The following ACER2 variants were observed in gnomAD, a reference collection of about 807,000 sequenced individuals.
ACER2 encodes alkCDase 2.
ACER2 carries 26 observed loss-of-function variants against 34.7 expected under a neutral mutation model. The observed-to-expected ratio is 0.75, with a 90% CI of 0.55 to 1.04. The LOEUF is 1.04. Ranked by LOEUF, ACER2 falls within the 50% of genes least tolerant of loss-of-function variation. ACER2 has a pLI of 0.00. For synonymous variants in ACER2, 138 were observed against 132.1 expected (o/e 1.04, Z -0.31); for missense variants, 352 against 340.8 (o/e 1.03, Z -0.26).
intron 4 of ACER2, 195 bp from the exon 5 acceptor site, chr9:19,446,086 G>A: frequency 1.2e-6 from 1 of 842,714 alleles, no homozygotes; most frequent in South Asian, 1.3e-5. Flanking sequence ...GGGTGGGAAG[G>A]GTGTCTGTGA....
intron 1 of ACER2, among the ~76,000 whole-genome samples, chr9:19,414,940 T>G (rs1002900215): frequency 2.0e-5 from 3 of 152,064 alleles, no homozygotes; most frequent in African/African-American, 7.2e-5. Context: ...TAGAGATGGA[T>G]CCATGAGTCC....
intron 5 of ACER2, among the ~76,000 whole-genome samples, chr9:19,447,277 C>T (rs1048349825): frequency 2.0e-5 from 3 of 152,154 alleles, no homozygotes; most frequent in Non-Finnish European, 2.9e-5. Flanking sequence ...TTTGTTAGAT[C>T]TAGATTCAGG....
At chr9:19,411,715 C>T (rs892689988) in intron 1 of ACER2, among the ~76,000 whole-genome samples, 23 of 152,304 alleles carry the variant, frequency 1.5e-4, no homozygotes, top group Non-Finnish European at 3.2e-4. Context: ...AACTCATAAT[C>T]ATTACCAGTT....
chr9:19,427,448 G>C (rs1830604103), intron 3 of ACER2, among the ~76,000 whole-genome samples: 1 of 152,180 alleles, frequency 6.6e-6, no homozygotes, highest in Non-Finnish European at 1.5e-5. Context: ...CCCTTTGCTT[G>C]TACTTCACTC....
At chr9:19,446,049 A>G (rs1218072746) in intron 4 of ACER2, 17 of 712,932 alleles carry the variant, frequency 2.4e-5, no homozygotes, top group Non-Finnish European at 3.8e-5. Flanking sequence ...AGTTGGGTGT[A>G]TGAGTCTGGA....
intron 3 of ACER2, among the ~76,000 whole-genome samples, chr9:19,427,067 G>A (rs754086350): frequency 1.3e-5 from 2 of 152,108 alleles, no homozygotes; most frequent in African/African-American, 2.4e-5. Flanking sequence ...AAGCAATCTG[G>A]GTTTGAATCC....
intron 4 of ACER2, 47 bp from the exon 5 acceptor site, chr9:19,446,234 G>T: frequency 1.2e-6 from 2 of 1,614,054 alleles, no homozygotes; most frequent in Non-Finnish European, 1.7e-6. Context: ...CAGCAAGGAG[G>T]TGGAGACAAG....
In ACER2 at chr9:19,450,578, G is replaced by A. The variant is rs775979009; in HGVS notation, c.770G>A (p.Gly257Asp). 25 of 1,607,418 alleles carry A rather than the reference G, an allele frequency of 1.6e-5. No individual in the cohort carries two copies. Among genetic ancestry groups the A allele is most frequent in the Admixed American group, 6.7e-5 (4 of 59,934 alleles). The change falls in exon 6 of 6, where the codon GGT becomes GAT. Residue 257 changes from glycine (G) to aspartate (D), a missense_variant. Gly to Asp is a moderately conservative substitution (Grantham distance 94). Transcript: ENST00000340967. ...FWPNEKWAFIGVPYVSLLCAN... is the reference protein window; with the variant it reads ...FWPNEKWAFIDVPYVSLLCAN... ...CCCAATGAGAAATGGGCCTTCATTG[G>A]TGTCCCCTATGTGTCCCTCCTGTGT...
At position 19,409,909 on chromosome 9, in the gene ACER2, G is replaced by T. The variant is rs1197717958; in HGVS notation, c.108+717G>T. On this transcript the variant is annotated intron_variant, in intron 1 of 5. Transcript: ENST00000340967. ...GGATTTGCCTAGGTCCCTAGATAAG[G>T]GTGAGCAGAAACTTCCCCATTGCAG... is the stretch of plus-strand genomic sequence containing the variant. 10 of 985,288 alleles carry T rather than the reference G, an allele frequency of 1.0e-5. No homozygotes were observed. The African/African-American group carries it at 1.6e-4, about 15-fold the overall frequency. The allele number at this position is 985,288 out of a possible 1,614,324, so 61.0% of individuals were successfully genotyped here.
chr9:19,426,816 A>G (rs765071331), intron 3 of ACER2, among the ~76,000 whole-genome samples: 1 of 152,100 alleles, frequency 6.6e-6, no homozygotes, highest in African/African-American at 2.4e-5. Flanking sequence ...AGTCCCAGCC[A>G]CTCAAAAAGC....
At chr9:19,409,567 G>C (rs1408510220) in intron 1 of ACER2, among the ~76,000 whole-genome samples, 8 of 152,028 alleles carry the variant, frequency 5.3e-5, no homozygotes, top group Non-Finnish European at 8.8e-5. Context: ...TCTCTGTGGC[G>C]TGACGCACTT....
chr9:19,415,689 A>G (rs1480688370), intron 1 of ACER2, among the ~76,000 whole-genome samples: 1 of 152,184 alleles, frequency 6.6e-6, no homozygotes, highest in Non-Finnish European at 1.5e-5. Flanking sequence ...CCATTGCGGG[A>G]CAGCTTGGGA....
intron 1 of ACER2, among the ~76,000 whole-genome samples, chr9:19,417,374 C>T (rs1333538868): frequency 4.6e-5 from 7 of 152,326 alleles, no homozygotes; most frequent in Admixed American, 1.3e-4. Flanking sequence ...GAAACAACTA[C>T]TTTAAATTTC....
At chr9:19,411,313 T>A (rs942588188) in intron 1 of ACER2, among the ~76,000 whole-genome samples, 3 of 152,208 alleles carry the variant, frequency 2.0e-5, no homozygotes, top group African/African-American at 7.2e-5. Context: ...TGTCAGAGAA[T>A]AAGGTCATTG....
intron 4 of ACER2, among the ~76,000 whole-genome samples, chr9:19,444,097 T>A (rs1376038431): frequency 1.4e-5 from 2 of 143,228 alleles, no homozygotes; most frequent in Admixed American, 7.4e-5. Flanking sequence ...CTGGGCCATA[T>A]TGGAAGAAAA....
chr9:19,423,648 C>T (rs1830474757), intron 1 of ACER2, among the ~76,000 whole-genome samples: 1 of 152,174 alleles, frequency 6.6e-6, no homozygotes, highest in South Asian at 2.1e-4. Context: ...TTGCAGTGAG[C>T]CAAGATCGTA....
intron 1 of ACER2, among the ~76,000 whole-genome samples, chr9:19,412,213 G>T (rs1413609348): frequency 6.6e-6 from 1 of 152,162 alleles, no homozygotes; most frequent in African/African-American, 2.4e-5. Flanking sequence ...AAAGTAGTTT[G>T]TAAAATTACT....
chr9:19,438,871 G>C (rs528065903), intron 4 of ACER2, among the ~76,000 whole-genome samples: 2 of 151,746 alleles, frequency 1.3e-5, no homozygotes, highest in Admixed American at 6.6e-5. Context: ...TTGCATCTTC[G>C]AACTCCTGCA....
At chr9:19,423,533 C>T (rs933836177) in intron 1 of ACER2, among the ~76,000 whole-genome samples, 6 of 152,066 alleles carry the variant, frequency 3.9e-5, no homozygotes, top group African/African-American at 1.4e-4. Context: ...GAAACCTCAT[C>T]TTACTAAAAA....
Sources: allele counts gnomAD v4.1 joint callset (sites outside exome capture counted in the v4.1 genomes callset), GRCh38; gene constraint gnomAD v4.1.1; transcripts MANE v1.5; gene names NCBI Gene and HGNC (gene_info 2026-07-23, HGNC 2026-07-21).